The following GRM5 variants were observed in gnomAD, a reference collection of about 807,000 sequenced individuals.
GRM5 encodes glutamate metabotropic receptor 5.
GRM5 carries 19 observed loss-of-function variants against 83.1 expected under a neutral mutation model. The ratio of observed to expected loss-of-function variants is 0.23; its 90% CI spans 0.16 to 0.34. GRM5 has a LOEUF of 0.34. Among genes scored for constraint, GRM5 ranks in the 10% least tolerant of loss-of-function variants. GRM5 has a pLI of 1.00. For synonymous variants in GRM5, 675 were observed against 633.6 expected, an observed-to-expected ratio of 1.07 and a Z score of -0.98; for missense variants, 1,160 against 1,588.3, an observed-to-expected ratio of 0.73 and a Z score of 4.58.
intron 2 of GRM5, among the ~76,000 whole-genome samples, chr11:88,866,468 T>C (rs1944667653): frequency 1.3e-5 from 2 of 151,886 alleles, no homozygotes; most frequent in Non-Finnish European, 2.9e-5. Flanking sequence ...AGGTTGATGG[T>C]TGCAGCAGAC....
At chr11:88,538,761 C>CT (rs1204646855) in intron 8 of GRM5, among the ~76,000 whole-genome samples, 1 of 152,198 alleles carries the variant, frequency 6.6e-6, no homozygotes, top group African/African-American at 2.4e-5. Context: ...TTACAACAGT[C>CT]TTTTGAGTTA....
Position 88,745,894 on chromosome 11 carries a change from C to T in GRM5, c.912-92491G>A, listed in dbSNP as rs117543478. Among the ~76,000 whole-genome samples the T allele has an allele frequency of 6.6e-3, 1,008 of 152,286 alleles. 15 individuals are homozygous for T. The highest frequency in any genetic ancestry group is 0.063 in the East Asian group (328 of 5,172). On this transcript the variant is annotated intron_variant, in intron 3 of 9. Coordinates refer to ENST00000305447, the MANE Select transcript of GRM5 (RefSeq NM_001143831.3). ...AGAAGTAGGCATTTCTGAAAAGCCCCATCTACTACTTAAGTGACCTTGGGA... is the reference window on the plus strand; with the variant it reads ...AGAAGTAGGCATTTCTGAAAAGCCCTATCTACTACTTAAGTGACCTTGGGA...
At chr11:88,545,613 A>G (rs892279758) in intron 8 of GRM5, among the ~76,000 whole-genome samples, 1 of 152,112 alleles carries the variant, frequency 6.6e-6, no homozygotes, top group Non-Finnish European at 1.5e-5. Context: ...TCACAAAGGT[A>G]AAATCTAGCA....
chr11:88,684,027 A>G (rs1940559834), intron 3 of GRM5, among the ~76,000 whole-genome samples: 1 of 152,180 alleles, frequency 6.6e-6, no homozygotes, highest in African/African-American at 2.4e-5. Flanking sequence ...ACTAAGACCA[A>G]AAAAATTAGA....
intron 2 of GRM5, among the ~76,000 whole-genome samples, chr11:89,023,673 G>T (rs113356745): frequency 6.6e-6 from 1 of 151,182 alleles, no homozygotes; most frequent in African/African-American, 2.4e-5. Context: ...GCGAAACCCC[G>T]TCTCTACTAA....
intron 1 of GRM5, among the ~76,000 whole-genome samples, chr11:89,048,504 CT>C (rs537017498): frequency 1.9e-3 from 290 of 152,290 alleles, no homozygotes; most frequent in Middle Eastern, 3.4e-3. Flanking sequence ...ATTAGGCTTT[CT>C]TTTCTTTTGA....
At chr11:88,896,022 A>G (rs1945223529) in intron 2 of GRM5, among the ~76,000 whole-genome samples, 1 of 151,984 alleles carries the variant, frequency 6.6e-6, no homozygotes, top group Non-Finnish European at 1.5e-5. Flanking sequence ...CCAGGCAAAG[A>G]AATGGACAAG....
Position 88,928,453 on chromosome 11 carries a change from T to TGC in GRM5, c.662-78299_662-78298insGC, listed in dbSNP as rs1467841468. Among the ~76,000 whole-genome samples, 4 of 11,816 alleles carry TGC rather than the reference T, an allele frequency of 3.4e-4. No homozygotes were observed. The East Asian group carries it at 0.011, about 33-fold the overall frequency. The allele number at this position is 11,816 out of a possible 152,430, so 7.8% of individuals were successfully genotyped here. On this transcript the variant is annotated intron_variant, in intron 2 of 9. Transcript: ENST00000305447. Reference sequence around the variant, plus strand: ...GGATTGACAATCTATCATATGTGTGTGTGTGTGTGTGTATATATATATATA... The same window carrying TGC: ...GGATTGACAATCTATCATATGTGTGTGCGTGTGTGTGTGTATATATATATATA...
chr11:88,547,980 C>T (rs1297822725), intron 8 of GRM5, among the ~76,000 whole-genome samples: 1 of 152,048 alleles, frequency 6.6e-6, no homozygotes, highest in Non-Finnish European at 1.5e-5. Context: ...TACAAAATGC[C>T]TTGTGGGAGG....
At chr11:88,580,798 A>G (rs1943201913) in intron 7 of GRM5, among the ~76,000 whole-genome samples, 1 of 152,254 alleles carries the variant, frequency 6.6e-6, no homozygotes, top group Non-Finnish European at 1.5e-5. Context: ...TGTGCTAGAC[A>G]GTCATTGACT....
chr11:88,704,113 C>CTCTT (rs1316687201), intron 3 of GRM5, among the ~76,000 whole-genome samples: 2 of 151,954 alleles, frequency 1.3e-5, no homozygotes, highest in African/African-American at 4.8e-5. Context: ...GATGTCTTGT[C>CTCTT]TCTTTCTCTT....
At chr11:89,034,208 A>G (rs999429071) in intron 2 of GRM5, among the ~76,000 whole-genome samples, 1 of 151,880 alleles carries the variant, frequency 6.6e-6, no homozygotes, top group African/African-American at 2.4e-5. Context: ...ATAAAAAAAG[A>G]TATTAATGGT....
chr11:89,009,897 T>G (rs1940639311), intron 2 of GRM5, among the ~76,000 whole-genome samples: 1 of 14,000 alleles, frequency 7.1e-5, no homozygotes, highest in African/African-American at 3.5e-4. Flanking sequence ...CGAGACTCCG[T>G]CTCAAAAAAA....
At chr11:88,769,925 G>A (rs776233923) in intron 3 of GRM5, among the ~76,000 whole-genome samples, 3 of 151,970 alleles carry the variant, frequency 2.0e-5, no homozygotes, top group Non-Finnish European at 2.9e-5. Context: ...AAGTGGGGAG[G>A]AGATAGTAAA....
chr11:88,611,406 C>G (rs1246807621), intron 4 of GRM5, among the ~76,000 whole-genome samples: 3 of 152,126 alleles, frequency 2.0e-5, no homozygotes, highest in Non-Finnish European at 4.4e-5. Flanking sequence ...TGTTATTTAT[C>G]TGTTCAGAAT....
At chr11:88,840,925 C>T (rs980496367) in intron 3 of GRM5, among the ~76,000 whole-genome samples, 11 of 152,208 alleles carry the variant, frequency 7.2e-5, no homozygotes, top group African/African-American at 2.6e-4. Context: ...GACAAAGTGC[C>T]GATGGAAACA....
rs1487573775 is a variant in GRM5 at position 88,567,631 on chromosome 11, C to A, written c.2052G>T (p.Lys684Asn). The A allele has an allele frequency of 1.2e-6, 2 of 1,614,002 alleles. No individual in the cohort carries two copies. Among genetic ancestry groups the A allele is most frequent in the African/African-American group, 1.3e-5 (1 of 74,916 alleles). Residue 684 changes from lysine (K) to asparagine (N), a missense_variant, in exon 8 of 10, where the codon AAG becomes AAT. This residue lies in a region of GRM5 where 132 missense variants were observed against 245.5 expected (regional missense o/e 0.54). Coordinates refer to ENST00000305447, the MANE Select transcript of GRM5 (RefSeq NM_001143831.3). This position sits in a 1 kb window ranked among gnomAD's most constrained non-coding sequence, Gnocchi z 7.3. ...GGGCACAGGCACTCATGAATCTGGG[C>A]TTTTTGGTACAGATCTTCTTCTTGC... ...AGSKKKICTKKPRFMSACAQL... is the reference protein window; with the variant it reads ...AGSKKKICTKNPRFMSACAQL...
intron 4 of GRM5, among the ~76,000 whole-genome samples, chr11:88,615,665 A>T (rs75081831): frequency 1.3e-5 from 2 of 152,094 alleles, no homozygotes; most frequent in African/African-American, 2.4e-5. Context: ...AAAAAAAAAA[A>T]AAATCAAAGT....
chr11:88,632,522 T>A (rs182131549), intron 4 of GRM5, among the ~76,000 whole-genome samples: 71 of 152,172 alleles, frequency 4.7e-4, no homozygotes, highest in African/African-American at 1.7e-3. Flanking sequence ...ATTATTTTGA[T>A]TTTTGCTGTG....
Sources: gnomAD v4.1 joint callset for allele counts (sites outside exome capture counted in the v4.1 genomes callset) on GRCh38, gnomAD v4.1.1 for gene constraint, gnomAD v4.1.1 regional missense constraint, Gnocchi (gnomAD v3.1) non-coding constraint, MANE v1.5 for transcripts, NCBI Gene and HGNC (gene_info 2026-07-23, HGNC 2026-07-21) for gene names.